ACSL3: variants seen among roughly 807,000 people sequenced by gnomAD.
ACSL3 encodes the protein fatty acid CoA ligase Acsl3.
A neutral mutation model predicts 84.7 loss-of-function variants in ACSL3; 34 were observed. That is an observed-to-expected ratio of 0.40 (90% CI 0.31 to 0.53). The LOEUF (loss-of-function observed/expected upper bound fraction) is 0.53, where lower values mean the gene tolerates loss of function less well. Ranked by LOEUF, ACSL3 falls within the 20% of genes least tolerant of loss-of-function variation. The probability of loss-of-function intolerance (pLI) is 0.48; values close to 1 mark genes in which losing one functional copy is unlikely to be tolerated. For missense variants in ACSL3, 680 were observed against 873.1 expected (o/e 0.78, Z 2.79); for synonymous variants, 315 against 299.4 (o/e 1.05, Z -0.54).
At chr2:222,919,039 G>A (rs776631918) in intron 6 of ACSL3, 25 bp from the exon 7 acceptor site, 31 of 1,608,786 alleles carry the variant, frequency 1.9e-5, no homozygotes, top group East Asian at 1.1e-4. Flanking sequence ...AATAATGAAC[G>A]TGATGAATGT....
At position 222,937,126 on chromosome 2, in the gene ACSL3, G is replaced by T. The variant is rs1016913621; in HGVS notation, c.2005+2439G>T. Among the ~76,000 whole-genome samples the T allele has an allele frequency of 1.2e-4, 18 of 152,128 alleles. No homozygotes were observed. In the East Asian group the frequency reaches 1.4e-3, roughly 11 times the overall value. ...TTTAGTAACATTTTGTAGTTTTCAGGGTACAAGTCTTTCACCTCCTTGGTT... is the reference window on the plus strand; with the variant it reads ...TTTAGTAACATTTTGTAGTTTTCAGTGTACAAGTCTTTCACCTCCTTGGTT... On this transcript the variant is annotated intron_variant, in intron 16 of 16. Transcript: ENST00000357430.
chr2:222,917,950 T>C (rs1696628655), intron 5 of ACSL3, 96 bp from the exon 6 acceptor site: 1 of 845,040 alleles, frequency 1.2e-6, no homozygotes, highest in Admixed American at 2.1e-5. Context: ...AGTTTAGGGC[T>C]CCTAATGCGT....
rs1401880480 is a variant in ACSL3 at position 222,942,918 on chromosome 2, CTTCAT to C, written c.*1267_*1271del. ...ACCTTGCTTGTGTGATACATAGTCT[CTTCAT>C]TTATTACTGCTTGTCTGTTGTTATA... On this transcript the variant is annotated 3_prime_UTR_variant, in exon 17 of 17. Transcript: ENST00000357430. 3 of 175,516 alleles carry C rather than the reference CTTCAT, an allele frequency of 1.7e-5. No homozygotes were observed. The highest frequency in any genetic ancestry group is 5.8e-5 in the African/African-American group (2 of 34,564). 10.9% of individuals were successfully genotyped at this position (175,516 alleles called of 1,614,324 possible).
intron 14 of ACSL3, 135 bp from the exon 15 acceptor site, chr2:222,933,031 A>G (rs1697070699): frequency 1.8e-6 from 1 of 551,878 alleles, no homozygotes; most frequent in African/African-American, 1.9e-5. Context: ...CATAACCATT[A>G]ATGCTTAATT....
chr2:222,920,170 G>T (rs963443135), intron 7 of ACSL3, among the ~76,000 whole-genome samples: 11 of 152,162 alleles, frequency 7.2e-5, no homozygotes, highest in Admixed American at 2.6e-4. Context: ...GGAGAAGGGT[G>T]CTGTGCATTG....
chr2:222,920,157 G>T (rs1427525207), intron 7 of ACSL3, among the ~76,000 whole-genome samples: 7 of 152,186 alleles, frequency 4.6e-5, no homozygotes, highest in Non-Finnish European at 7.3e-5. Flanking sequence ...AAGTGGTGGT[G>T]TTGGAGAAGG....
chr2:222,919,162 C>T lies in ACSL3; in HGVS notation c.765C>T (p.Thr255=), dbSNP rs1402584627. 2 of 1,614,080 alleles carry T rather than the reference C, an allele frequency of 1.2e-6. No homozygotes were observed. Among genetic ancestry groups the T allele is most frequent in the Admixed American group, 3.3e-5 (2 of 60,006 alleles). Reference sequence around the variant, plus strand: ...TCCCCAAGGGCATCATTGTGCATACCATGGCTGCAGTGGAGGCCCTGGGAG... The same window carrying T: ...TCCCCAAGGGCATCATTGTGCATACTATGGCTGCAGTGGAGGCCCTGGGAG... ...SEFPKGIIVH[T]MAAVEALGAK... Residue 255 remains threonine (T), a synonymous_variant, in exon 7 of 17, where the codon ACC becomes ACT. Coordinates refer to ENST00000357430, the MANE Select transcript of ACSL3 (RefSeq NM_004457.5).
intron 10 of ACSL3, among the ~76,000 whole-genome samples, chr2:222,924,012 A>G (rs909808524): frequency 5.9e-5 from 9 of 152,212 alleles, no homozygotes; most frequent in Admixed American, 3.3e-4. Flanking sequence ...CAAACGTTGC[A>G]TGGTCTTTTT....
chr2:222,901,943 C>CA (rs765995360), intron 3 of ACSL3, among the ~76,000 whole-genome samples: 264 of 12,334 alleles, frequency 0.021, 6 homozygotes, highest in Non-Finnish European at 0.026. Context: ...GACTCGGTCT[C>CA]AAAAAAAAAA....
intron 1 of ACSL3, among the ~76,000 whole-genome samples, chr2:222,886,738 C>T (rs552370813): frequency 4.0e-4 from 61 of 152,194 alleles, no homozygotes; most frequent in African/African-American, 1.4e-3. Flanking sequence ...TTTGGAAATA[C>T]CTTATTTTTT....
In ACSL3 at chr2:222,944,407, G is replaced by C. The variant is rs2106150381; in HGVS notation, c.*2753G>C. The C allele has an allele frequency of 6.6e-6, 1 of 152,102 alleles. No individual in the cohort carries two copies. Among genetic ancestry groups the C allele is most frequent in the South Asian group, 2.1e-4 (1 of 4,816 alleles). The allele number at this position is 152,102 out of a possible 1,614,324, so 9.4% of individuals were successfully genotyped here. A position where few individuals can be genotyped will look rare whatever the true frequency, so the allele number is the denominator to read the frequency against. On this transcript the variant is annotated 3_prime_UTR_variant, in exon 17 of 17. Coordinates refer to ENST00000357430, the MANE Select transcript of ACSL3 (RefSeq NM_004457.5). ...GTACATCTGTGATGTTTTACAGGGGGATCCGCTTTTAAACAGTGTACATAT... is the reference window on the plus strand; with the variant it reads ...GTACATCTGTGATGTTTTACAGGGGCATCCGCTTTTAAACAGTGTACATAT...
At chr2:222,935,927 C>T (rs191912790) in intron 16 of ACSL3, among the ~76,000 whole-genome samples, 141 of 152,216 alleles carry the variant, frequency 9.3e-4, no homozygotes, top group Non-Finnish European at 1.7e-3. Context: ...AATTCCCCTT[C>T]CCTCTCTCCC....
At chr2:222,913,179 C>G (rs1235766119) in intron 4 of ACSL3, among the ~76,000 whole-genome samples, 1 of 152,180 alleles carries the variant, frequency 6.6e-6, no homozygotes, top group Admixed American at 6.5e-5. Context: ...GAAGACTTCA[C>G]TATGACATTC....
intron 1 of ACSL3, among the ~76,000 whole-genome samples, chr2:222,872,665 G>A (rs781621783): frequency 9.2e-5 from 14 of 152,114 alleles, no homozygotes; most frequent in African/African-American, 3.1e-4. Context: ...TACAGTTGCA[G>A]TAGGTCCTGT....
intron 1 of ACSL3, among the ~76,000 whole-genome samples, chr2:222,862,857 T>G (rs979145594): frequency 1.3e-5 from 2 of 152,178 alleles, no homozygotes; most frequent in Non-Finnish European, 2.9e-5. Context: ...AGCTTAAATA[T>G]TCTGAGGGTC....
intron 2 of ACSL3, among the ~76,000 whole-genome samples, chr2:222,889,155 T>C (rs1695788142): frequency 6.6e-6 from 1 of 151,976 alleles, no homozygotes; most frequent in African/African-American, 2.4e-5. Context: ...TAGAAATGAC[T>C]GTAATTACTG....
rs553890003 is a variant in ACSL3, at chr2:222,866,193, T to G, written c.-207+4935T>G. Among the ~76,000 whole-genome samples, 274 of 152,302 alleles carry G rather than the reference T, an allele frequency of 1.8e-3. 1 individual carries two copies. The highest frequency in any genetic ancestry group is 6.4e-3 in the African/African-American group (268 of 41,580). ...CGGAGTCTCGCTCTGTCCCCCTGGC[T>G]GGAGTGCAGTGGCATGATCTCGGCT... On this transcript the variant is annotated intron_variant, in intron 1 of 16. Transcript: ENST00000357430.
At chr2:222,935,642 T>C (rs1276720571) in intron 16 of ACSL3, among the ~76,000 whole-genome samples, 1 of 152,226 alleles carries the variant, frequency 6.6e-6, no homozygotes, top group East Asian at 1.9e-4. Context: ...TCCTGAAATA[T>C]TTTTAATCTT....
Position 222,941,485 on chromosome 2 carries a change from TA to T in ACSL3, c.2006-10del, listed in dbSNP as rs1559307603. ...TACCTTTTCTTCTTTTCTTTTTTTT[TA>T]ATCATCTTAGCAAGTCTGGAAAAGT... On this transcript the variant is annotated splice_polypyrimidine_tract_variant and intron_variant, in intron 16 of 16. Transcript: ENST00000357430. 2 of 1,568,568 alleles carry T rather than the reference TA, an allele frequency of 1.3e-6. No individual in the cohort carries two copies. Among genetic ancestry groups the T allele is most frequent in the Non-Finnish European group, 1.7e-6 (2 of 1,162,412 alleles).
Sources: allele counts gnomAD v4.1 joint callset (sites outside exome capture counted in the v4.1 genomes callset), GRCh38; gene constraint gnomAD v4.1.1; transcripts MANE v1.5; gene names NCBI Gene and HGNC (gene_info 2026-07-23, HGNC 2026-07-21).